Variants in SGCZ observed in about 807,000 individuals in gnomAD.
SGCZ encodes zeta-sarcoglycan.
Under a neutral mutation model 41.3 loss-of-function variants are expected in SGCZ, and 40 were observed. The ratio of observed to expected loss-of-function variants is 0.97; its 90% CI spans 0.75 to 1.26. The LOEUF (loss-of-function observed/expected upper bound fraction) is 1.26. Among genes scored for constraint, SGCZ ranks in the 50% most tolerant of loss-of-function variants. The pLI is 0.00. For synonymous variants in SGCZ, 206 were observed against 137.5 expected (o/e 1.50, Z -3.49); for missense variants, 552 against 369.8 (o/e 1.49, Z -4.04).
At chr8:14,277,783 T>C (rs1800287782) in intron 3 of SGCZ, among the ~76,000 whole-genome samples, 1 of 152,176 alleles carries the variant, frequency 6.6e-6, no homozygotes, top group Non-Finnish European at 1.5e-5. Context: ...AGGAATGTTC[T>C]CTGGAATCTC....
intron 1 of SGCZ, among the ~76,000 whole-genome samples, chr8:14,681,569 C>T (rs1477647709): frequency 1.3e-5 from 2 of 152,236 alleles, no homozygotes; most frequent in Admixed American, 1.3e-4. Context: ...TAAAGAGAAG[C>T]TAAAGTTATG....
intron 1 of SGCZ, among the ~76,000 whole-genome samples, chr8:14,585,695 A>C (rs894462935): frequency 2.0e-5 from 3 of 152,178 alleles, no homozygotes; most frequent in Non-Finnish European, 4.4e-5. Context: ...TACAGAGTTC[A>C]AACATTAACA....
chr8:14,908,792 C>A (rs1799196963), intron 1 of SGCZ, among the ~76,000 whole-genome samples: 1 of 148,296 alleles, frequency 6.7e-6, no homozygotes, highest in African/African-American at 2.5e-5. Flanking sequence ...ACCTAATTCA[C>A]TATAAAAAAT....
intron 1 of SGCZ, among the ~76,000 whole-genome samples, chr8:15,041,503 A>T (rs1804095601): frequency 6.6e-6 from 1 of 152,096 alleles, no homozygotes; most frequent in Admixed American, 6.6e-5. Context: ...ATATGGTTTT[A>T]GTTAAATATG....
chr8:14,132,263 T>C (rs1803064682), intron 5 of SGCZ, among the ~76,000 whole-genome samples: 1 of 152,202 alleles, frequency 6.6e-6, no homozygotes, highest in East Asian at 1.9e-4. Flanking sequence ...TCTATTTCAA[T>C]TATTATAATG....
At position 14,242,130 on chromosome 8, in the gene SGCZ, GC is replaced by G. The variant is rs199912889; in HGVS notation, c.337-4452del. Among the ~76,000 whole-genome samples, 985 of 152,234 alleles carry G rather than the reference GC, an allele frequency of 6.5e-3. 7 individuals carry two copies. Among genetic ancestry groups the G allele is most frequent in the Middle Eastern group, 0.02 (6 of 294 alleles). ...AAACAGAGAATATTAACAGGAACAG[GC>G]TGGTGTGACAGATATTTCCTTAAAA... On this transcript the variant is annotated intron_variant, in intron 3 of 7. Coordinates refer to ENST00000382080, the MANE Select transcript of SGCZ (RefSeq NM_139167.4).
intron 1 of SGCZ, among the ~76,000 whole-genome samples, chr8:15,121,058 T>C (rs1807459238): frequency 6.6e-6 from 1 of 152,208 alleles, no homozygotes; most frequent in South Asian, 2.1e-4. Flanking sequence ...AACCACTTCT[T>C]CATTTTTTCT....
chr8:14,974,467 T>C (rs1801400009), intron 1 of SGCZ, among the ~76,000 whole-genome samples: 1 of 152,166 alleles, frequency 6.6e-6, no homozygotes, highest in African/African-American at 2.4e-5. Context: ...ATCGCTAACC[T>C]GATGAGCATT....
chr8:14,784,975 T>C (rs1481013103), intron 1 of SGCZ, among the ~76,000 whole-genome samples: 1 of 141,594 alleles, frequency 7.1e-6, no homozygotes, highest in East Asian at 2.0e-4. Flanking sequence ...ATAATATATA[T>C]ATTTTTTATA....
At chr8:15,084,219 T>A (rs1805865321) in intron 1 of SGCZ, among the ~76,000 whole-genome samples, 1 of 152,208 alleles carries the variant, frequency 6.6e-6, no homozygotes, top group African/African-American at 2.4e-5. Flanking sequence ...CTGTTCTATG[T>A]CCTTTATAGA....
At chr8:14,114,925 T>A (rs1802478513) in intron 5 of SGCZ, among the ~76,000 whole-genome samples, 1 of 151,948 alleles carries the variant, frequency 6.6e-6, no homozygotes, top group Admixed American at 6.6e-5. Context: ...AAATCACATG[T>A]AAAGAAAACA....
intron 1 of SGCZ, among the ~76,000 whole-genome samples, chr8:14,984,974 C>T (rs1801782722): frequency 6.6e-6 from 1 of 152,028 alleles, no homozygotes; most frequent in Non-Finnish European, 1.5e-5. Context: ...CCAACAACAA[C>T]AGTAATAATC....
rs1391345102 is a variant in SGCZ at position 14,679,793 on chromosome 8, T to A, written c.40-124867A>T. ...TCACTAGCCACCTACTCACCCAGAA[T>A]AACTTCTAGACCTGCAAGCTCCTTT... On this transcript the variant is annotated intron_variant, in intron 1 of 7. Coordinates refer to ENST00000382080, the MANE Select transcript of SGCZ (RefSeq NM_139167.4). Among the ~76,000 whole-genome samples, 7 of 152,154 alleles carry A rather than the reference T, an allele frequency of 4.6e-5. 1 individual carries two copies. The South Asian group carries it at 1.5e-3, about 32-fold the overall frequency.
At chr8:14,386,623 T>G (rs1804588132) in intron 2 of SGCZ, among the ~76,000 whole-genome samples, 1 of 152,184 alleles carries the variant, frequency 6.6e-6, no homozygotes, top group African/African-American at 2.4e-5. Flanking sequence ...CTTTGTAAAA[T>G]AAATTATTTC....
rs144242296 is a variant in SGCZ, at chr8:14,816,377, A to G, written c.40-261451T>C. On this transcript the variant is annotated intron_variant, in intron 1 of 7. Transcript: ENST00000382080. ...ACTTTGACAATTAGTTAAGTGTGTTATGAGTGTGTAATACAGGATACCTCA... is the reference window on the plus strand; with the variant it reads ...ACTTTGACAATTAGTTAAGTGTGTTGTGAGTGTGTAATACAGGATACCTCA... 4.1e-3 allele frequency among the ~76,000 whole-genome samples: 618 copies of G among 152,344 alleles called. 3 individuals are homozygous for G. The highest frequency in any genetic ancestry group is 0.016 in the South Asian group (75 of 4,826).
intron 3 of SGCZ, among the ~76,000 whole-genome samples, chr8:14,252,045 C>A (rs1799306479): frequency 6.6e-6 from 1 of 152,122 alleles, no homozygotes; most frequent in Non-Finnish European, 1.5e-5. Context: ...GAAAACTTCT[C>A]ATCTGTTAGC....
intron 1 of SGCZ, among the ~76,000 whole-genome samples, chr8:14,868,250 G>A (rs532409128): frequency 3.9e-5 from 6 of 152,072 alleles, no homozygotes; most frequent in African/African-American, 7.2e-5. Context: ...CATGCAACTC[G>A]GTGACCTCCC....
intron 1 of SGCZ, among the ~76,000 whole-genome samples, chr8:14,702,451 C>T (rs983172614): frequency 1.3e-5 from 2 of 151,910 alleles, no homozygotes; most frequent in African/African-American, 2.4e-5. Context: ...ATAGGAAACA[C>T]ATCCCTCCAG....
rs555856092 is a variant in SGCZ at position 14,431,005 on chromosome 8, C to A, written c.235-106801G>T. 2.0e-5 allele frequency among the ~76,000 whole-genome samples: 3 copies of A among 152,224 alleles called. No individual in the cohort carries two copies. In the South Asian group the frequency reaches 6.2e-4, roughly 32 times the overall value. On this transcript the variant is annotated intron_variant, in intron 2 of 7. Transcript: ENST00000382080. ...TAACCAAGGAGGTGAAAGACCTGTACAAGGAAAACTACAAAACACTGCTGA... is the reference window on the plus strand; with the variant it reads ...TAACCAAGGAGGTGAAAGACCTGTAAAAGGAAAACTACAAAACACTGCTGA...
Sources: gnomAD v4.1 joint callset for allele counts (sites outside exome capture counted in the v4.1 genomes callset) on GRCh38, gnomAD v4.1.1 for gene constraint, MANE v1.5 for transcripts, NCBI Gene and HGNC (gene_info 2026-07-23, HGNC 2026-07-21) for gene names.